MNAT1: variants seen among roughly 807,000 people sequenced by gnomAD.
MNAT1 encodes the protein CDK-activating kinase assembly factor MAT1.
A neutral mutation model predicts 42.0 loss-of-function variants in MNAT1; 43 were observed. The observed-to-expected ratio is 1.02, with a 90% confidence interval of 0.80 to 1.32. MNAT1 has a LOEUF of 1.32. Ranked by LOEUF, MNAT1 falls within the 40% of genes most tolerant of loss-of-function variation. The pLI is 0.00. For missense variants in MNAT1, 306 were observed against 350.4 expected, an observed-to-expected ratio of 0.87 and a Z score of 1.01; for synonymous variants, 118 against 120.0, an observed-to-expected ratio of 0.98 and a Z score of 0.11.
intron 6 of MNAT1, among the ~76,000 whole-genome samples, chr14:60,842,661 A>G (rs1408073047): frequency 1.3e-5 from 2 of 152,356 alleles, no homozygotes; most frequent in African/African-American, 2.4e-5. Context: ...TGTTTTGTAT[A>G]TCAAGAATTA....
At chr14:60,844,748 T>C (rs2033641901) in intron 6 of MNAT1, among the ~76,000 whole-genome samples, 1 of 152,104 alleles carries the variant, frequency 6.6e-6, no homozygotes. Context: ...TTATATGTCA[T>C]ACTAGCTGTA....
chr14:60,848,286 G>A (rs2033730319), intron 6 of MNAT1, among the ~76,000 whole-genome samples: 1 of 152,108 alleles, frequency 6.6e-6, no homozygotes, highest in African/African-American at 2.4e-5. Context: ...CTCATTGAGG[G>A]TCCATTGTGT....
intron 6 of MNAT1, among the ~76,000 whole-genome samples, chr14:60,871,928 G>T (rs1188930864): frequency 6.6e-6 from 1 of 152,030 alleles, no homozygotes; most frequent in African/African-American, 2.4e-5. Context: ...CAGTCTCTAA[G>T]AATTCTTTAT....
At chr14:60,829,531 G>A (rs560493298) in intron 6 of MNAT1, among the ~76,000 whole-genome samples, 2 of 152,188 alleles carry the variant, frequency 1.3e-5, no homozygotes, top group African/African-American at 4.8e-5. Flanking sequence ...CAAACTGTTG[G>A]CTTCAGAATT....
At chr14:60,941,990 T>G (rs972758) in intron 7 of MNAT1, among the ~76,000 whole-genome samples, 1 of 123,756 alleles carries the variant, frequency 8.1e-6, no homozygotes, top group Non-Finnish European at 1.6e-5. Context: ...GGCGACAGAA[T>G]GAGGCTCCAT....
chr14:60,840,983 T>A (rs756529886), intron 6 of MNAT1, among the ~76,000 whole-genome samples: 1 of 152,192 alleles, frequency 6.6e-6, no homozygotes, highest in Non-Finnish European at 1.5e-5. Flanking sequence ...TAAAAATTGC[T>A]CAGAGTGTGG....
intron 1 of MNAT1, chr14:60,779,834 G>T: frequency 1.7e-6 from 1 of 604,892 alleles, no homozygotes. Context: ...TTTCCTGCTA[G>T]AGTGAACTTA....
At chr14:60,799,699 A>T (rs570124669) in intron 3 of MNAT1, among the ~76,000 whole-genome samples, 1 of 148,012 alleles carries the variant, frequency 6.8e-6, no homozygotes, top group South Asian at 2.1e-4. Flanking sequence ...TGATTAAAAA[A>T]ATATATATAT....
At chr14:60,799,277 G>A (rs1430016233) in intron 3 of MNAT1, 40 of 985,212 alleles carry the variant, frequency 4.1e-5, no homozygotes, top group Non-Finnish European at 4.7e-5. Flanking sequence ...AGTGACTATG[G>A]ATTTTAGCTG....
chr14:60,914,912 A>G (rs149447503), intron 7 of MNAT1, among the ~76,000 whole-genome samples: 53 of 152,318 alleles, frequency 3.5e-4, no homozygotes, highest in African/African-American at 1.3e-3. Context: ...TTTTGAAGGG[A>G]ATAATGTTTT....
chr14:60,826,757 A>G (rs1013862965), intron 6 of MNAT1, among the ~76,000 whole-genome samples: 1 of 152,214 alleles, frequency 6.6e-6, no homozygotes, highest in African/African-American at 2.4e-5. Flanking sequence ...CAATATAATT[A>G]TGCAGCCTTC....
At chr14:60,856,765 C>T (rs2033968797) in intron 6 of MNAT1, among the ~76,000 whole-genome samples, 1 of 151,686 alleles carries the variant, frequency 6.6e-6, no homozygotes, top group Non-Finnish European at 1.5e-5. Context: ...GTGGCAACCT[C>T]CGCCTCCTGG....
intron 1 of MNAT1, among the ~76,000 whole-genome samples, chr14:60,738,181 T>A (rs764306242): frequency 6.6e-6 from 1 of 151,866 alleles, no homozygotes; most frequent in Admixed American, 6.6e-5. Flanking sequence ...TATTATTTTT[T>A]AAAATCTTGC....
intron 6 of MNAT1, among the ~76,000 whole-genome samples, chr14:60,847,273 G>A (rs1209947002): frequency 6.6e-6 from 1 of 151,862 alleles, no homozygotes. Flanking sequence ...GTGTGTTGGC[G>A]GGCACCTGTA....
At chr14:60,894,669 G>A (rs977215246) in intron 7 of MNAT1, among the ~76,000 whole-genome samples, 1 of 151,876 alleles carries the variant, frequency 6.6e-6, no homozygotes, top group African/African-American at 2.4e-5. Flanking sequence ...GGAGGGAGGA[G>A]CACTTTTTGT....
chr14:60,865,217 A>G (rs2034178582), intron 6 of MNAT1, among the ~76,000 whole-genome samples: 2 of 152,054 alleles, frequency 1.3e-5, no homozygotes, highest in South Asian at 4.1e-4. Context: ...GAAGACTACT[A>G]ATCTTACATG....
At chr14:60,914,199 C>A (rs1040273405) in intron 7 of MNAT1, among the ~76,000 whole-genome samples, 2 of 152,178 alleles carry the variant, frequency 1.3e-5, no homozygotes, top group African/African-American at 4.8e-5. Flanking sequence ...GTGGGAGTGA[C>A]CCAATTTTCC....
At chr14:60,870,315 A>C (rs2034300832) in intron 6 of MNAT1, among the ~76,000 whole-genome samples, 1 of 152,166 alleles carries the variant, frequency 6.6e-6, no homozygotes, top group African/African-American at 2.4e-5. Flanking sequence ...CTGAATGTAC[A>C]GTTTGCATGC....
chr14:60,869,229 C>T (rs1198228518), intron 6 of MNAT1, among the ~76,000 whole-genome samples: 31 of 148,396 alleles, frequency 2.1e-4, no homozygotes, highest in African/African-American at 5.4e-4. Flanking sequence ...TTAATAGAGA[C>T]GGGGTTTCAC....
Sources: gnomAD v4.1 joint callset for allele counts (sites outside exome capture counted in the v4.1 genomes callset) on GRCh38, gnomAD v4.1.1 for gene constraint, MANE v1.5 for transcripts, NCBI Gene and HGNC (gene_info 2026-07-23, HGNC 2026-07-21) for gene names.